The following CTNNA2 variants were observed in gnomAD, a reference collection of about 807,000 sequenced individuals.
The protein encoded by CTNNA2 is catenin alpha 2, also known as catenin alpha-2.
In CTNNA2, 42 loss-of-function variants were observed where a neutral mutation model predicts 101.0. That is an observed-to-expected ratio of 0.42 (90% confidence interval 0.32 to 0.54). The LOEUF (loss-of-function observed/expected upper bound fraction) is 0.54, where lower values mean the gene tolerates loss of function less well. Among genes scored for constraint, CTNNA2 ranks in the 20% least tolerant of loss-of-function variants. The pLI, the probability that CTNNA2 is intolerant of heterozygous loss-of-function variation, is 0.14. For synonymous variants in CTNNA2, 450 were observed against 456.4 expected (o/e 0.99, Z 0.18); for missense variants, 871 against 1,223.1 (o/e 0.71, Z 4.29).
chr2:79,413,844 A>T (rs1300693368), intron 4 of CTNNA2, among the ~76,000 whole-genome samples: 2 of 150,434 alleles, frequency 1.3e-5, no homozygotes, highest in African/African-American at 4.9e-5. Flanking sequence ...TCACAAAACT[A>T]TTGGCCATTT....
At chr2:79,562,814 A>G (rs1257859747) in intron 1 of CTNNA2, among the ~76,000 whole-genome samples, 1 of 152,008 alleles carries the variant, frequency 6.6e-6, no homozygotes, top group Non-Finnish European at 1.5e-5. Flanking sequence ...TTGAAAGAAT[A>G]CATCTAGATA....
intron 3 of CTNNA2, among the ~76,000 whole-genome samples, chr2:79,324,278 A>T (rs1410586700): frequency 6.6e-6 from 1 of 152,164 alleles, no homozygotes; most frequent in Non-Finnish European, 1.5e-5. Context: ...TGGAGTATGC[A>T]TGGCAAGCAG....
At chr2:80,039,247 C>T (rs1038954142) in intron 7 of CTNNA2, among the ~76,000 whole-genome samples, 4 of 152,116 alleles carry the variant, frequency 2.6e-5, no homozygotes, top group African/African-American at 9.7e-5. Flanking sequence ...GCCCCCACCA[C>T]CACTGTGCCA....
intron 6 of CTNNA2, among the ~76,000 whole-genome samples, chr2:79,874,658 A>G (rs1169287507): frequency 2.6e-5 from 4 of 152,100 alleles, no homozygotes; most frequent in Non-Finnish European, 5.9e-5. Context: ...AATGTAAAAC[A>G]TTAGCTGGGC....
At chr2:80,070,103 TC>T (rs1333518856) in intron 7 of CTNNA2, among the ~76,000 whole-genome samples, 2 of 152,190 alleles carry the variant, frequency 1.3e-5, no homozygotes, top group Non-Finnish European at 2.9e-5. Flanking sequence ...GTAACTCCCT[TC>T]TCAGTCTATT....
chr2:79,226,013 G>A (rs1461580200), intron 2 of CTNNA2, among the ~76,000 whole-genome samples: 2 of 152,050 alleles, frequency 1.3e-5, no homozygotes, highest in Non-Finnish European at 2.9e-5. Context: ...TTGAGGACTT[G>A]CCCTATGTGA....
chr2:79,579,449 T>C (rs1184198882), intron 1 of CTNNA2, among the ~76,000 whole-genome samples: 1 of 152,190 alleles, frequency 6.6e-6, no homozygotes, highest in Non-Finnish European at 1.5e-5. Flanking sequence ...TGAACTTCTC[T>C]ATCGGTGGGA....
At chr2:79,575,923 A>G (rs1675765329) in intron 1 of CTNNA2, among the ~76,000 whole-genome samples, 1 of 152,194 alleles carries the variant, frequency 6.6e-6, no homozygotes, top group Non-Finnish European at 1.5e-5. Context: ...TCTGCAAAAG[A>G]CAGATAATCT....
At chr2:79,356,350 A>G (rs548683973) in intron 3 of CTNNA2, among the ~76,000 whole-genome samples, 2 of 152,222 alleles carry the variant, frequency 1.3e-5, no homozygotes, top group African/African-American at 4.8e-5. Flanking sequence ...TCTTATTACT[A>G]TAACCTTTTC....
chr2:79,911,614 C>A (rs774689898), intron 7 of CTNNA2, among the ~76,000 whole-genome samples: 1 of 152,174 alleles, frequency 6.6e-6, no homozygotes, highest in South Asian at 2.1e-4. Flanking sequence ...TTTCTGTTCG[C>A]AGCCTCGTGA....
chr2:80,591,814 T>C (rs1355391581), intron 15 of CTNNA2, among the ~76,000 whole-genome samples: 4 of 152,098 alleles, frequency 2.6e-5, no homozygotes, highest in African/African-American at 9.7e-5. Flanking sequence ...TGATATTCAC[T>C]CCATTGTTAT....
intron 7 of CTNNA2, among the ~76,000 whole-genome samples, chr2:79,988,099 G>T (rs965828303): frequency 1.3e-5 from 2 of 152,184 alleles, no homozygotes; most frequent in African/African-American, 4.8e-5. Flanking sequence ...TTACCCCCAA[G>T]AATTGGGTTA....
chr2:79,758,814 T>G (rs1366141422), intron 3 of CTNNA2, among the ~76,000 whole-genome samples: 1 of 152,216 alleles, frequency 6.6e-6, no homozygotes, highest in Non-Finnish European at 1.5e-5. Flanking sequence ...TGCTATTGTT[T>G]AGGTACCACA....
chr2:80,426,214 CCTT>C (rs1319621108), intron 9 of CTNNA2, among the ~76,000 whole-genome samples: 1 of 152,150 alleles, frequency 6.6e-6, no homozygotes, highest in African/African-American at 2.4e-5. Context: ...CACGTCTAAG[CCTT>C]CTGGAGAAAT....
intron 4 of CTNNA2, among the ~76,000 whole-genome samples, chr2:79,402,553 T>A (rs558393160): frequency 6.6e-6 from 1 of 151,972 alleles, no homozygotes; most frequent in Admixed American, 6.6e-5. Context: ...ATTATAACAA[T>A]ATATTGTAGT....
chr2:80,079,115 G>A (rs1269754466), intron 7 of CTNNA2, among the ~76,000 whole-genome samples: 8 of 152,142 alleles, frequency 5.3e-5, no homozygotes, highest in East Asian at 1.9e-4. Context: ...GAATTTGCTA[G>A]CTGGCGTGAT....
At chr2:79,736,029 T>C (rs1254122223) in intron 2 of CTNNA2, among the ~76,000 whole-genome samples, 1 of 152,172 alleles carries the variant, frequency 6.6e-6, no homozygotes, top group Admixed American at 6.5e-5. Context: ...TTGAGAGAAA[T>C]GATCCTTTCA....
chr2:79,286,286 A>AT (rs1278644818), intron 2 of CTNNA2, among the ~76,000 whole-genome samples: 2 of 152,058 alleles, frequency 1.3e-5, no homozygotes, highest in African/African-American at 4.8e-5. Context: ...TGTGAATTTG[A>AT]TCTGTCATTA....
intron 12 of CTNNA2, among the ~76,000 whole-genome samples, chr2:80,557,668 A>G (rs182545952): frequency 6.6e-6 from 1 of 152,344 alleles, no homozygotes; most frequent in Admixed American, 6.5e-5. Context: ...CAGATAACTC[A>G]GGCACTGTTC....
Sources: allele counts gnomAD v4.1 joint callset (sites outside exome capture counted in the v4.1 genomes callset), GRCh38; gene constraint gnomAD v4.1.1; transcripts MANE v1.5; gene names NCBI Gene and HGNC (gene_info 2026-07-23, HGNC 2026-07-21).